CASZ1: variants seen among roughly 807,000 people sequenced by gnomAD.
The protein encoded by CASZ1 is castor zinc finger 1.
Under a neutral mutation model 135.2 loss-of-function variants are expected in CASZ1, and 28 were observed. That is an observed-to-expected ratio of 0.21 (90% CI 0.15 to 0.28). The LOEUF (loss-of-function observed/expected upper bound fraction) is 0.28. Among genes scored for constraint, CASZ1 ranks in the 10% least tolerant of loss-of-function variants. CASZ1 has a pLI of 1.00. For synonymous variants in CASZ1, 1,068 were observed against 1,073.4 expected (o/e 0.99, Z 0.10); for missense variants, 2,161 against 2,453.3 (o/e 0.88, Z 2.52).
At chr1:10,671,727 A>G (rs977524364) in intron 4 of CASZ1, among the ~76,000 whole-genome samples, 1 of 152,186 alleles carries the variant, frequency 6.6e-6, no homozygotes, top group Non-Finnish European at 1.5e-5. Context: ...ACCGCAGCGG[A>G]GCATGATGTC....
rs1419762646 is a variant in CASZ1, at chr1:10,659,928, G to A, written c.1114C>T (p.Arg372Cys). 18 of 1,612,034 alleles carry A rather than the reference G, an allele frequency of 1.1e-5. No homozygotes were observed. The highest frequency in any genetic ancestry group is 1.3e-5 in the African/African-American group (1 of 74,982). ...AIAFKTGKVG[R>C]PSKYDVRGIQ... ...CCCCGGACGTCGTACTTGGAAGGGC[G>A]CCCCACCTTGCCTGTCTTGAAGGCG... The change falls in exon 6 of 21, where the codon CGC becomes TGC. Residue 372 changes from arginine (R) to cysteine (C), a missense_variant. Around this residue, in one of 7 missense-constraint regions of CASZ1, gnomAD observed 590 missense variants for 609.8 expected, o/e 0.97. Transcript: ENST00000377022.
chr1:10,702,794 G>T (rs911705016), intron 3 of CASZ1, among the ~76,000 whole-genome samples: 2 of 152,226 alleles, frequency 1.3e-5, no homozygotes, highest in African/African-American at 4.8e-5. Flanking sequence ...GAAGGGGCTT[G>T]TTGACTGCAA....
At chr1:10,738,568 G>A (rs1267863297) in intron 2 of CASZ1, among the ~76,000 whole-genome samples, 3 of 152,268 alleles carry the variant, frequency 2.0e-5, no homozygotes, top group African/African-American at 4.8e-5. Context: ...GGGCCATGGG[G>A]CGACCTGGGC....
rs138201584 is a variant in CASZ1 at position 10,660,277 on chromosome 1, C to A, written c.765G>T (p.Pro255=). The A allele has an allele frequency of 3.7e-6, 6 of 1,613,916 alleles. No homozygotes were observed. In the South Asian group the frequency reaches 6.6e-5, roughly 18 times the overall value. Residue 255 remains proline, a synonymous_variant, in exon 6 of 21, where the codon CCG becomes CCT. Transcript: ENST00000377022. The stretch of plus-strand genomic sequence containing the variant: ...GCTCCTCGGTCTTGGTGCTGGGGGC[C>A]GGCCAGGAGAGCTGCTCGCCAGCCT... The part of the protein sequence containing the change: ...KLKAGEQLSW[P]APSTKTEERV...
rs1238812076 is a variant in CASZ1, at chr1:10,694,905, G to T, written c.-23-993C>A. Among the ~76,000 whole-genome samples, 1 of 143,534 alleles carries T rather than the reference G, an allele frequency of 7.0e-6. No individual in the cohort carries two copies. Among genetic ancestry groups the T allele is most frequent in the Admixed American group, 6.9e-5 (1 of 14,590 alleles). The allele number at this position is 143,534 out of a possible 152,430, so 94.2% of individuals were successfully genotyped here. ...TTGCCGGCCGCCGGCGGCCGCGCGC[G>T]CGCTCGCATGCTGCCAGCGGCCGCT... On this transcript the variant is annotated intron_variant, in intron 3 of 20. Coordinates refer to ENST00000377022, the MANE Select transcript of CASZ1 (RefSeq NM_001079843.3). This position sits in a 1 kb window ranked among gnomAD's most constrained non-coding sequence, Gnocchi z 6.6.
At chr1:10,687,982 C>T (rs1470851420) in intron 4 of CASZ1, among the ~76,000 whole-genome samples, 1 of 152,230 alleles carries the variant, frequency 6.6e-6, no homozygotes, top group African/African-American at 2.4e-5. Context: ...CTCCTTCTGC[C>T]CCCACTAAGA....
chr1:10,765,265 G>C (rs205487), intron 1 of CASZ1, among the ~76,000 whole-genome samples: 1 of 152,006 alleles, frequency 6.6e-6, no homozygotes, highest in East Asian at 1.9e-4. Context: ...GAGAGGGTAC[G>C]TGGTGGAAGA....
rs1312679769 is a variant in CASZ1 at position 10,792,336 on chromosome 1, CCCCCGG to C, written c.-234+4222_-234+4227del. On this transcript the variant is annotated intron_variant, in intron 1 of 20. Transcript: ENST00000377022. ...CTTACCCCTCCCCCCCGCCCCCCCCCCCCCGGCCCCGCACACAAAGTAAATGGAAAT... is the reference window on the plus strand; with the variant it reads ...CTTACCCCTCCCCCCCGCCCCCCCCCCCCCGCACACAAAGTAAATGGAAAT... 1.4e-4 allele frequency among the ~76,000 whole-genome samples: 6 copies of C among 42,584 alleles called. 1 individual carries two copies. The highest frequency in any genetic ancestry group is 5.5e-3 in the East Asian group (2 of 366). 27.9% of individuals were successfully genotyped at this position (42,584 alleles called of 152,430 possible).
Position 10,644,925 on chromosome 1 carries a change from C to G in CASZ1, c.3860G>C (p.Gly1287Ala), listed in dbSNP as rs759605109. 1.2e-6 allele frequency: 2 copies of G among 1,612,992 alleles called. No homozygotes were observed. Among genetic ancestry groups the G allele is most frequent in the Non-Finnish European group, 1.7e-6 (2 of 1,179,514 alleles). Reference sequence around the variant, plus strand: ...GCCCCAGCCCTCGGTACCTAGCCTGCCACACTCCTCGCGCTTGGTGAAGTA... The same window carrying G: ...GCCCCAGCCCTCGGTACCTAGCCTGGCACACTCCTCGCGCTTGGTGAAGTA... Reference protein sequence around the residue: ...FKYFTKREECGRLGCKYNQVN... With the variant: ...FKYFTKREECARLGCKYNQVN... The change falls in exon 18 of 21, where the codon GGC (glycine) becomes GCC (alanine). Residue 1287 changes from glycine (G) to alanine (A), a missense_variant. Transcript: ENST00000377022.
intron 1 of CASZ1, among the ~76,000 whole-genome samples, chr1:10,766,236 C>T (rs920173785): frequency 6.6e-6 from 1 of 152,022 alleles, no homozygotes; most frequent in African/African-American, 2.4e-5. Context: ...ACATATATGC[C>T]ACTCCGCCAG....
chr1:10,661,735 C>T (rs577600405), intron 5 of CASZ1, among the ~76,000 whole-genome samples: 8 of 151,310 alleles, frequency 5.3e-5, no homozygotes, highest in Admixed American at 5.3e-4. Flanking sequence ...ACACACAAAA[C>T]ATACACATGC....
At chr1:10,714,597 C>T (rs542245147) in intron 2 of CASZ1, among the ~76,000 whole-genome samples, 9 of 152,356 alleles carry the variant, frequency 5.9e-5, no homozygotes, top group African/African-American at 1.2e-4. Flanking sequence ...TTTTTCCCAG[C>T]GGGGGCTGGA....
chr1:10,696,015 C>A (rs1453761316), intron 3 of CASZ1, among the ~76,000 whole-genome samples: 1 of 152,198 alleles, frequency 6.6e-6, no homozygotes, highest in Non-Finnish European at 1.5e-5. Context: ...CCCAGGCTTC[C>A]CTGGTCTTTG....
In CASZ1 at chr1:10,724,606, G is replaced by A. The variant is rs1174523524; in HGVS notation, c.-76-19062C>T. Among the ~76,000 whole-genome samples the A allele has an allele frequency of 1.3e-5, 2 of 152,178 alleles. No individual in the cohort carries two copies. The highest frequency in any genetic ancestry group is 1.5e-5 in the Non-Finnish European group (1 of 68,026). ...AGGGGTAGGGGCTCAGGGAGTGGGA[G>A]CAGAGAGTGTTAGAGGTTAGAGAAG... On this transcript the variant is annotated intron_variant, in intron 2 of 20. Coordinates refer to ENST00000377022, the MANE Select transcript of CASZ1 (RefSeq NM_001079843.3). The surrounding 1 kb of genome is among the most constrained non-coding windows in gnomAD (Gnocchi z 4.1).
At chr1:10,695,390 C>G (rs1638906937) in intron 3 of CASZ1, among the ~76,000 whole-genome samples, 1 of 152,158 alleles carries the variant, frequency 6.6e-6, no homozygotes, top group African/African-American at 2.4e-5. Context: ...CCATCCGCCC[C>G]GCAGCCAGAC....
chr1:10,675,345 TC>T (rs1643533870), intron 4 of CASZ1, among the ~76,000 whole-genome samples: 1 of 150,704 alleles, frequency 6.6e-6, no homozygotes, highest in Non-Finnish European at 1.5e-5. Flanking sequence ...AGCCAGGGAG[TC>T]CTGAGGCCTA....
intron 3 of CASZ1, among the ~76,000 whole-genome samples, chr1:10,704,874 G>T (rs1381360407): frequency 6.6e-6 from 1 of 152,246 alleles, no homozygotes; most frequent in African/African-American, 2.4e-5. Flanking sequence ...GCCCGTGAAG[G>T]CTGGGCCAGG....
rs1186290706 is a variant in CASZ1, at chr1:10,739,358, G to A, written c.-77+21343C>T. On this transcript the variant is annotated intron_variant, in intron 2 of 20. Coordinates refer to ENST00000377022, the MANE Select transcript of CASZ1 (RefSeq NM_001079843.3). The surrounding 1 kb of genome is among the most constrained non-coding windows in gnomAD (Gnocchi z 4.8). ...GTCACCGCGAGGGAAACCCTCCCAG[G>A]GGCCCGGGCCCAGGGTGGCCACGGT... 6.6e-6 allele frequency among the ~76,000 whole-genome samples: 1 copy of A among 152,134 alleles called. No individual in the cohort carries two copies. Among genetic ancestry groups the A allele is most frequent in the Non-Finnish European group, 1.5e-5 (1 of 68,000 alleles).
At chr1:10,693,756 GA>G in intron 4 of CASZ1, 117 bp downstream of exon 4, 2 of 482,648 alleles carry the variant, frequency 4.1e-6, no homozygotes, top group Non-Finnish European at 4.1e-6. Flanking sequence ...GCAGCCGCCC[GA>G]CCCTCCCGGC....
Sources: gnomAD v4.1 joint callset for allele counts (sites outside exome capture counted in the v4.1 genomes callset) on GRCh38, gnomAD v4.1.1 for gene constraint, gnomAD v4.1.1 regional missense constraint, Gnocchi (gnomAD v3.1) non-coding constraint, MANE v1.5 for transcripts, NCBI Gene and HGNC (gene_info 2026-07-23, HGNC 2026-07-21) for gene names.